Variants in MCPH1 observed in about 807,000 individuals in gnomAD.
The protein encoded by MCPH1 is microcephalin 1.
MCPH1 carries 104 observed loss-of-function variants against 84.5 expected under a neutral mutation model. That is an observed-to-expected ratio of 1.23 (90% CI 1.05 to 1.45). The LOEUF (loss-of-function observed/expected upper bound fraction) is 1.45, where lower values mean the gene tolerates loss of function less well. Ranked by LOEUF, MCPH1 falls within the 40% of genes most tolerant of loss-of-function variation. The pLI is 0.00. For missense variants in MCPH1, 1,498 were observed against 1,005.7 expected (o/e 1.49, Z -6.62); for synonymous variants, 514 against 366.8 (o/e 1.40, Z -4.58).
chr8:6,529,905 G>A (rs1207636228), intron 12 of MCPH1, among the ~76,000 whole-genome samples: 2 of 149,992 alleles, frequency 1.3e-5, no homozygotes, highest in Non-Finnish European at 3.0e-5. Flanking sequence ...ATCATATGAC[G>A]CAACACAAGT....
At chr8:6,504,643 G>A (rs1273584935) in intron 12 of MCPH1, among the ~76,000 whole-genome samples, 1 of 152,116 alleles carries the variant, frequency 6.6e-6, no homozygotes, top group African/African-American at 2.4e-5. Flanking sequence ...GTGAAAAGGT[G>A]AAAGTTCCTG....
intron 12 of MCPH1, among the ~76,000 whole-genome samples, chr8:6,566,077 G>A (rs765471990): frequency 5.9e-5 from 9 of 151,372 alleles, no homozygotes; most frequent in Non-Finnish European, 1.3e-4. Flanking sequence ...CAAAGCAGCT[G>A]TGGGACAGCA....
chr8:6,525,796 A>G (rs971805673), intron 12 of MCPH1, among the ~76,000 whole-genome samples: 2 of 152,214 alleles, frequency 1.3e-5, no homozygotes, highest in Admixed American at 1.3e-4. Flanking sequence ...TCTGTGACAA[A>G]AAAATACGAT....
At chr8:6,542,972 G>A (rs1047454181) in intron 12 of MCPH1, among the ~76,000 whole-genome samples, 3 of 152,176 alleles carry the variant, frequency 2.0e-5, no homozygotes. Flanking sequence ...GGCAGGAAGC[G>A]TGTGTTGTTT....
intron 12 of MCPH1, among the ~76,000 whole-genome samples, chr8:6,526,726 G>C (rs2442611): frequency 0.083 from 12,568 of 152,066 alleles, 682 homozygotes; most frequent in African/African-American, 0.15. Context: ...TTTAAATTGT[G>C]AAATAGGATA....
In MCPH1 at chr8:6,646,683, C is replaced by T. The variant is rs1386917515; in HGVS notation, c.*3634C>T. The T allele has an allele frequency of 6.6e-6, 1 of 152,204 alleles. No homozygotes were observed. The highest frequency in any genetic ancestry group is 2.4e-5 in the African/African-American group (1 of 41,436). The allele number at this position is 152,204 out of a possible 1,614,324, so 9.4% of individuals were successfully genotyped here. A position where few individuals can be genotyped will look rare whatever the true frequency, so the allele number is the denominator to read the frequency against. ...TTCCTGTGGAGAGCTGTCCTGTGCA[C>T]TGTAGAATGTTTAGCTGCATCCTGG... On this transcript the variant is annotated 3_prime_UTR_variant, in exon 14 of 14. Coordinates refer to ENST00000344683, the MANE Select transcript of MCPH1 (RefSeq NM_024596.5).
intron 6 of MCPH1, 101 bp downstream of exon 6, chr8:6,439,197 T>C: frequency 8.3e-7 from 1 of 1,199,684 alleles, no homozygotes; most frequent in Non-Finnish European, 1.2e-6. Context: ...TGTTTCCTGG[T>C]AGTAACACAT....
chr8:6,533,483 G>A (rs1392088038), intron 12 of MCPH1, among the ~76,000 whole-genome samples: 4 of 151,688 alleles, frequency 2.6e-5, no homozygotes, highest in Non-Finnish European at 5.9e-5. Context: ...GTTTCTGGTT[G>A]GTCAGAGGAG....
At chr8:6,554,752 G>C (rs1039574647) in intron 12 of MCPH1, among the ~76,000 whole-genome samples, 1 of 152,146 alleles carries the variant, frequency 6.6e-6, no homozygotes, top group Admixed American at 6.5e-5. Flanking sequence ...AGGAGCCCTC[G>C]GAGGGAGCGG....
rs374928199 is a variant in MCPH1, at chr8:6,480,771, A to G, written c.2031A>G (p.Pro677=). Residue 677 remains proline (P), a synonymous_variant, in exon 11 of 14, where the codon CCA becomes CCG. Transcript: ENST00000344683. ...AATTGAAAGGCTTTTCAATTGCACC[A>G]GACGTCTGTGAGACCACGACTCACG... ...VDKLKGFSIA[P]DVCETTTHVL... is the part of the protein sequence containing the mutation. The G allele has an allele frequency of 1.2e-6, 2 of 1,614,140 alleles. No individual in the cohort carries two copies. The highest frequency in any genetic ancestry group is 1.3e-5 in the African/African-American group (1 of 74,950).
intron 12 of MCPH1, chr8:6,502,751 A>T (rs1586158076): frequency 6.9e-6 from 2 of 288,540 alleles, no homozygotes; most frequent in East Asian, 1.7e-4. Context: ...TGTATAACAT[A>T]AGTGTTCTGT....
Position 6,480,819 on chromosome 8 carries a change from C to T in MCPH1, c.2079C>T (p.Arg693=), listed in dbSNP as rs778425442. The change falls in exon 11 of 14, where the codon CGC becomes CGT. Residue 693 remains arginine, a synonymous_variant. Coordinates refer to ENST00000344683, the MANE Select transcript of MCPH1 (RefSeq NM_024596.5). The stretch of plus-strand genomic sequence containing the variant: ...ACGTGCTTTCCGGGAAGCCACTTCG[C>T]ACCCTGAATGTGCTGCTGGGAATTG... ...TTHVLSGKPL[R]TLNVLLGIAR... is the part of the protein sequence containing the mutation. 4.3e-6 allele frequency: 7 copies of T among 1,614,214 alleles called. No homozygotes were observed. The South Asian group carries it at 5.5e-5, about 13-fold the overall frequency.
chr8:6,598,339 A>G (rs558525156), intron 12 of MCPH1, among the ~76,000 whole-genome samples: 1 of 152,134 alleles, frequency 6.6e-6, no homozygotes, highest in South Asian at 2.1e-4. Context: ...TCATGCAGGG[A>G]GGGGAGGGAT....
intron 9 of MCPH1, among the ~76,000 whole-genome samples, chr8:6,469,694 A>G (rs1422666413): frequency 6.6e-6 from 1 of 152,238 alleles, no homozygotes; most frequent in Non-Finnish European, 1.5e-5. Flanking sequence ...GATTTCAAAG[A>G]ATGTTTTGTT....
chr8:6,417,370 G>A (rs1368717010), intron 3 of MCPH1, among the ~76,000 whole-genome samples: 4 of 148,018 alleles, frequency 2.7e-5, no homozygotes, highest in African/African-American at 9.8e-5. Flanking sequence ...TAGAAAATAA[G>A]TAAACAAATG....
At chr8:6,436,333 C>A (rs1802633350) in intron 5 of MCPH1, among the ~76,000 whole-genome samples, 171 bp downstream of exon 5, 1 of 152,150 alleles carries the variant, frequency 6.6e-6, no homozygotes, top group Non-Finnish European at 1.5e-5. Flanking sequence ...TGGCTGGGAG[C>A]CATAATAGAG....
chr8:6,628,273 A>G (rs1796895246), intron 13 of MCPH1, among the ~76,000 whole-genome samples: 1 of 152,058 alleles, frequency 6.6e-6, no homozygotes, highest in Non-Finnish European at 1.5e-5. Context: ...GATCGAGACC[A>G]TCCTGGCTAA....
intron 12 of MCPH1, among the ~76,000 whole-genome samples, chr8:6,569,186 A>T (rs2129576365): frequency 6.6e-6 from 1 of 152,332 alleles, no homozygotes; most frequent in South Asian, 2.1e-4. Context: ...GTATGCAATA[A>T]TTAATAAGAA....
At chr8:6,478,963 A>G (rs1248188974) in intron 10 of MCPH1, among the ~76,000 whole-genome samples, 1 of 152,188 alleles carries the variant, frequency 6.6e-6, no homozygotes, top group Non-Finnish European at 1.5e-5. Context: ...ACCTAAGATC[A>G]CTAGAGATAA....
Sources: allele counts gnomAD v4.1 joint callset (sites outside exome capture counted in the v4.1 genomes callset), GRCh38; gene constraint gnomAD v4.1.1; transcripts MANE v1.5; gene names NCBI Gene and HGNC (gene_info 2026-07-23, HGNC 2026-07-21).